The following MMP16 variants were observed in gnomAD, a reference collection of about 807,000 sequenced individuals.
The protein encoded by MMP16 is matrix metallopeptidase 16.
A neutral mutation model predicts 67.8 loss-of-function variants in MMP16; 12 were observed. The observed-to-expected ratio is 0.18, with a 90% CI of 0.11 to 0.29. The LOEUF is 0.29. Ranked by LOEUF, MMP16 falls within the 10% of genes least tolerant of loss-of-function variation. The pLI is 1.00. For synonymous variants in MMP16, 249 were observed against 255.9 expected (o/e 0.97, Z 0.26); for missense variants, 475 against 765.7 (o/e 0.62, Z 4.48).
intron 1 of MMP16, among the ~76,000 whole-genome samples, chr8:88,267,313 T>C (rs1346493648): frequency 6.6e-6 from 1 of 152,190 alleles, no homozygotes; most frequent in Non-Finnish European, 1.5e-5. Flanking sequence ...ACATCACAGC[T>C]AGTGGTGGTT....
chr8:88,312,439 A>G (rs1019993221), intron 1 of MMP16, among the ~76,000 whole-genome samples: 3 of 152,212 alleles, frequency 2.0e-5, no homozygotes, highest in Non-Finnish European at 4.4e-5. Context: ...TATATATTCA[A>G]TATGCAATTT....
intron 1 of MMP16, among the ~76,000 whole-genome samples, chr8:88,202,675 CAA>C (rs1809362363): frequency 6.6e-6 from 1 of 151,722 alleles, no homozygotes; most frequent in African/African-American, 2.4e-5. Flanking sequence ...AAAACAAGAC[CAA>C]AATAAAAGCA....
intron 4 of MMP16, among the ~76,000 whole-genome samples, chr8:88,122,942 G>A (rs1450668412): frequency 6.7e-6 from 1 of 149,290 alleles, no homozygotes; most frequent in Non-Finnish European, 1.5e-5. Flanking sequence ...AGCCATATGA[G>A]TTAGCTTGGA....
chr8:88,047,640 T>C (rs1808215299), intron 8 of MMP16, among the ~76,000 whole-genome samples: 1 of 152,116 alleles, frequency 6.6e-6, no homozygotes, highest in African/African-American at 2.4e-5. Context: ...ACAAGGAGGC[T>C]GGGGTGACTG....
chr8:88,317,936 A>C (rs1213836837), intron 1 of MMP16, among the ~76,000 whole-genome samples: 1 of 152,198 alleles, frequency 6.6e-6, no homozygotes, highest in African/African-American at 2.4e-5. Flanking sequence ...GGACTGATCT[A>C]TCTCTGAAAA....
chr8:88,272,391 T>C (rs1810577717), intron 1 of MMP16, among the ~76,000 whole-genome samples: 1 of 152,210 alleles, frequency 6.6e-6, no homozygotes, highest in Non-Finnish European at 1.5e-5. Context: ...ACATATGTGC[T>C]ATAACAGAAT....
intron 1 of MMP16, among the ~76,000 whole-genome samples, chr8:88,272,327 A>C (rs1810576799): frequency 6.6e-6 from 1 of 152,222 alleles, no homozygotes; most frequent in South Asian, 2.1e-4. Context: ...AAGTTATGTT[A>C]ATTCATGTCA....
chr8:88,209,857 T>A (rs1014687829), intron 1 of MMP16, among the ~76,000 whole-genome samples: 2 of 152,162 alleles, frequency 1.3e-5, no homozygotes, highest in Admixed American at 6.6e-5. Context: ...TATCCATTCA[T>A]CTCTCAAAGA....
Position 88,197,241 on chromosome 8 carries a change from T to C in MMP16, c.198A>G (p.Ala66=). The change falls in exon 2 of 10, where the codon GCA becomes GCG. Residue 66 remains alanine (A), a synonymous_variant. Coordinates refer to ENST00000286614, the MANE Select transcript of MMP16 (RefSeq NM_005941.5). ...TDPRMSVLRS[A]ETMQSALAAM... The stretch of plus-strand genomic sequence containing the variant: ...CAGCTAGGGCAGACTGCATGGTCTC[T>C]GCAGAGCGCAGCACTGACATTCTGG... 1 of 1,611,642 alleles carries C rather than the reference T, an allele frequency of 6.2e-7. No homozygotes were observed.
intron 4 of MMP16, among the ~76,000 whole-genome samples, chr8:88,129,944 A>G (rs956743307): frequency 2.4e-4 from 36 of 151,736 alleles, no homozygotes; most frequent in African/African-American, 8.5e-4. Context: ...AGAGCTTGAA[A>G]TCAACAACTC....
intron 4 of MMP16, among the ~76,000 whole-genome samples, chr8:88,151,369 G>C (rs893333062): frequency 6.7e-6 from 1 of 149,808 alleles, no homozygotes; most frequent in African/African-American, 2.4e-5. Flanking sequence ...GGACCTAATA[G>C]ACATCTACAG....
intron 8 of MMP16, among the ~76,000 whole-genome samples, 169 bp downstream of exon 8, chr8:88,055,959 A>T (rs1313645042): frequency 6.6e-6 from 1 of 152,230 alleles, no homozygotes; most frequent in East Asian, 1.9e-4. Flanking sequence ...TATTAGAGAA[A>T]GATTTATCTT....
chr8:88,167,918 G>T lies in MMP16; in HGVS notation c.460C>A (p.Arg154Ser). ...GDPETRKAIR[R>S]AFDVWQNVTP... ...ACATTCTGCCACACATCAAAGGCAC[G>T]GCGAATAGCTTTACGAGTCTCAGGG... is the stretch of plus-strand genomic sequence containing the variant. The change falls in exon 4 of 10, where the codon CGT becomes AGT. Residue 154 changes from arginine (R) to serine (S), a missense_variant. Physicochemically the swap from Arg to Ser is moderately radical, Grantham distance 110. This residue lies in a region of MMP16 where 170 missense variants were observed against 239.6 expected (regional missense o/e 0.71). Coordinates refer to ENST00000286614, the MANE Select transcript of MMP16 (RefSeq NM_005941.5). The T allele has an allele frequency of 6.2e-7, 1 of 1,613,904 alleles. No homozygotes were observed. Among genetic ancestry groups the T allele is most frequent in the East Asian group, 2.2e-5 (1 of 44,866 alleles).
chr8:88,130,758 ACG>A (rs955247597), intron 4 of MMP16, among the ~76,000 whole-genome samples: 2 of 109,036 alleles, frequency 1.8e-5, no homozygotes, highest in African/African-American at 4.0e-5. Flanking sequence ...CTTGTGAAAT[ACG>A]TGTGTGTGTG....
At chr8:88,314,274 A>G (rs1285294565) in intron 1 of MMP16, among the ~76,000 whole-genome samples, 1 of 152,196 alleles carries the variant, frequency 6.6e-6, no homozygotes, top group African/African-American at 2.4e-5. Context: ...ACTTTTGGAC[A>G]TAAAGAATAT....
intron 1 of MMP16, among the ~76,000 whole-genome samples, chr8:88,217,736 C>G (rs1057235627): frequency 1.3e-5 from 2 of 151,876 alleles, no homozygotes; most frequent in African/African-American, 4.8e-5. Context: ...ACTATTTCCA[C>G]TTAATACAAA....
intron 7 of MMP16, among the ~76,000 whole-genome samples, chr8:88,070,462 T>C (rs1808533862): frequency 6.6e-6 from 1 of 152,158 alleles, no homozygotes; most frequent in Non-Finnish European, 1.5e-5. Context: ...ACTGCTCCTT[T>C]TGTTCCCACT....
chr8:88,057,215 T>G (rs1808343310), intron 7 of MMP16, among the ~76,000 whole-genome samples: 1 of 152,162 alleles, frequency 6.6e-6, no homozygotes, highest in African/African-American at 2.4e-5. Flanking sequence ...CTCTAGCTGC[T>G]CCTTTCTGGG....
At chr8:88,266,112 T>C (rs1810472999) in intron 1 of MMP16, among the ~76,000 whole-genome samples, 1 of 152,220 alleles carries the variant, frequency 6.6e-6, no homozygotes, top group Non-Finnish European at 1.5e-5. Context: ...TTAGCATCCC[T>C]GCCCCTCAAA....
Sources: gnomAD v4.1 joint callset for allele counts (sites outside exome capture counted in the v4.1 genomes callset) on GRCh38, gnomAD v4.1.1 for gene constraint, gnomAD v4.1.1 regional missense constraint, MANE v1.5 for transcripts, NCBI Gene and HGNC (gene_info 2026-07-23, HGNC 2026-07-21) for gene names.